Variants in VPS8 observed in about 807,000 individuals in gnomAD.
VPS8 encodes vacuolar protein sorting-associated protein 8 homolog.
VPS8 carries 129 observed loss-of-function variants against 216.4 expected under a neutral mutation model. That is an observed-to-expected ratio of 0.60 (90% CI 0.52 to 0.69). The LOEUF (loss-of-function observed/expected upper bound fraction) is 0.69. Ranked by LOEUF, VPS8 falls within the 30% of genes least tolerant of loss-of-function variation. The probability of loss-of-function intolerance (pLI) is 0.00; values close to 1 mark genes in which losing one functional copy is unlikely to be tolerated. For synonymous variants in VPS8, 571 were observed against 565.4 expected (o/e 1.01, Z -0.14); for missense variants, 1,531 against 1,683.5 (o/e 0.91, Z 1.59).
chr3:184,851,332 A>G (rs759664963), intron 10 of VPS8, among the ~76,000 whole-genome samples: 15 of 152,192 alleles, frequency 9.9e-5, no homozygotes, highest in Non-Finnish European at 1.9e-4. Context: ...AGTAAGACAC[A>G]TAGGATTGAA....
chr3:184,882,083 A>G lies in VPS8; in HGVS notation c.1735-4027A>G, dbSNP rs1730370106. ...TGCTATTTTTTTCCTTTTCTTGCCT[A>G]TTGCATAGGCTAAAACTTCAGCATT... is the stretch of plus-strand genomic sequence containing the variant. On this transcript the variant is annotated intron_variant, in intron 21 of 47. Coordinates refer to ENST00000625842, the MANE Select transcript of VPS8 (RefSeq NM_001009921.3). Among the ~76,000 whole-genome samples the G allele has an allele frequency of 3.4e-5, 5 of 149,200 alleles. No individual in the cohort carries two copies. In the South Asian group the frequency reaches 8.4e-4, roughly 25 times the overall value.
chr3:185,031,415 A>G (rs547289226), intron 46 of VPS8, among the ~76,000 whole-genome samples: 1 of 152,308 alleles, frequency 6.6e-6, no homozygotes, highest in East Asian at 1.9e-4. Context: ...GACTCCAAAT[A>G]TGACTTCATT....
chr3:184,991,467 T>G (rs1751883529), intron 42 of VPS8, among the ~76,000 whole-genome samples: 1 of 152,208 alleles, frequency 6.6e-6, no homozygotes, highest in Admixed American at 6.5e-5. Flanking sequence ...TTCTTGATTT[T>G]GCTTTTAAAT....
rs189927596 is a variant in VPS8 at position 184,885,857 on chromosome 3, A to C, written c.1735-253A>C. ...TCTGCTCCCTCTGTTAGAAAGATGC[A>C]GTGAACACCTTAATGCATTAAAATA... On this transcript the variant is annotated intron_variant, in intron 21 of 47. Coordinates refer to ENST00000625842, the MANE Select transcript of VPS8 (RefSeq NM_001009921.3). 155 of 339,000 alleles carry C rather than the reference A, an allele frequency of 4.6e-4. 2 individuals carry two copies. Among genetic ancestry groups the C allele is most frequent in the Middle Eastern group, 1.7e-3 (2 of 1,164 alleles). 21.0% of individuals were successfully genotyped at this position (339,000 alleles called of 1,614,324 possible).
Position 185,052,314 on chromosome 3 carries a change from C to T in VPS8, c.*289C>T. The T allele has an allele frequency of 3.7e-6, 1 of 273,534 alleles. No homozygotes were observed. The allele number at this position is 273,534 out of a possible 1,614,324, so 16.9% of individuals were successfully genotyped here. A position where few individuals can be genotyped will look rare whatever the true frequency, so the allele number is the denominator to read the frequency against. On this transcript the variant is annotated 3_prime_UTR_variant, in exon 48 of 48. Coordinates refer to ENST00000625842, the MANE Select transcript of VPS8 (RefSeq NM_001009921.3). ...CCAGCTTTTTAGGAAATACATTTCGCCTATTGCGACTTTTTCCATTTACCC... is the reference window on the plus strand; with the variant it reads ...CCAGCTTTTTAGGAAATACATTTCGTCTATTGCGACTTTTTCCATTTACCC...
At chr3:184,904,088 A>T (rs767458208) in intron 25 of VPS8, among the ~76,000 whole-genome samples, 3 of 152,156 alleles carry the variant, frequency 2.0e-5, no homozygotes, top group Non-Finnish European at 4.4e-5. Flanking sequence ...TTGATCTTGT[A>T]TCCTACGTCC....
At chr3:184,839,931 C>T (rs1450097310) in intron 7 of VPS8, 179 bp downstream of exon 7, 1 of 1,357,736 alleles carries the variant, frequency 7.4e-7, no homozygotes, top group Non-Finnish European at 9.5e-7. Context: ...CTTTGTTTTG[C>T]TGCTTATTGC....
At chr3:184,957,109 T>G (rs940964370) in intron 36 of VPS8, among the ~76,000 whole-genome samples, 2 of 152,360 alleles carry the variant, frequency 1.3e-5, no homozygotes, top group East Asian at 3.9e-4. Context: ...CAACTTTTGG[T>G]ATGATTTAGA....
intron 28 of VPS8, 64 bp downstream of exon 28, chr3:184,915,538 T>C: frequency 6.4e-7 from 1 of 1,551,430 alleles, no homozygotes; most frequent in Non-Finnish European, 8.8e-7. Context: ...TTTGGCGGGG[T>C]GTGGTGGCTC....
intron 8 of VPS8, among the ~76,000 whole-genome samples, chr3:184,847,666 C>T (rs1723395827): frequency 1.3e-5 from 2 of 152,106 alleles, no homozygotes; most frequent in African/African-American, 4.8e-5. Flanking sequence ...GGCATGCATT[C>T]TGACATTTAA....
intron 16 of VPS8, among the ~76,000 whole-genome samples, chr3:184,864,694 A>T (rs1727009905): frequency 6.6e-6 from 1 of 152,188 alleles, no homozygotes; most frequent in African/African-American, 2.4e-5. Context: ...TAAAAGTAAG[A>T]CCAGAAAGGA....
At chr3:184,835,726 T>G (rs1720937913) in intron 5 of VPS8, among the ~76,000 whole-genome samples, 5 of 150,724 alleles carry the variant, frequency 3.3e-5, no homozygotes, top group South Asian at 2.1e-4. Flanking sequence ...TTTTTTTTTT[T>G]TGAGACGGAG....
intron 42 of VPS8, among the ~76,000 whole-genome samples, chr3:184,986,632 C>G: frequency 6.6e-6 from 1 of 152,174 alleles, no homozygotes; most frequent in Admixed American, 6.5e-5. Context: ...GGAATAAACC[C>G]TAAACAGATT....
rs1401027565 is a variant in VPS8, at chr3:184,971,770, T to C, written c.3420+18T>C. The C allele has an allele frequency of 6.2e-7, 1 of 1,605,744 alleles. No homozygotes were observed. The highest frequency in any genetic ancestry group is 1.1e-5 in the South Asian group (1 of 90,138). On this transcript the variant is annotated intron_variant, in intron 40 of 47. Transcript: ENST00000625842. The stretch of plus-strand genomic sequence containing the variant: ...AACGTGAGGTAGGAGAATGACTGTT[T>C]AGGTATTTAAAAGCCTGTACTTGGC...
At chr3:184,915,544 G>T in intron 28 of VPS8, 70 bp downstream of exon 28, 1 of 1,518,132 alleles carries the variant, frequency 6.6e-7, no homozygotes, top group Non-Finnish European at 9.0e-7. Context: ...GGGGTGTGGT[G>T]GCTCACCCCT....
At chr3:184,837,195 T>C (rs1371484100) in intron 5 of VPS8, among the ~76,000 whole-genome samples, 3 of 147,968 alleles carry the variant, frequency 2.0e-5, no homozygotes, top group Non-Finnish European at 4.5e-5. Context: ...ATCTCTACAA[T>C]GCTTCCTAAT....
At chr3:184,891,776 T>G (rs1283328839) in intron 22 of VPS8, among the ~76,000 whole-genome samples, 1 of 152,184 alleles carries the variant, frequency 6.6e-6, no homozygotes, top group Non-Finnish European at 1.5e-5. Context: ...ATACCACTTG[T>G]ATTTGGTGGG....
At chr3:185,004,360 A>G (rs1366452321) in intron 45 of VPS8, among the ~76,000 whole-genome samples, 2 of 152,290 alleles carry the variant, frequency 1.3e-5, no homozygotes, top group Admixed American at 6.5e-5. Context: ...CGCGCCCGCA[A>G]TCGCAGGCAC....
chr3:185,004,270 G>C (rs1344480461), intron 45 of VPS8, among the ~76,000 whole-genome samples: 1 of 152,236 alleles, frequency 6.6e-6, no homozygotes, highest in Non-Finnish European at 1.5e-5. Context: ...TCGTGGTTAG[G>C]AGCTGGAGAC....
Sources: allele counts gnomAD v4.1 joint callset (sites outside exome capture counted in the v4.1 genomes callset), GRCh38; gene constraint gnomAD v4.1.1; transcripts MANE v1.5; gene names NCBI Gene and HGNC (gene_info 2026-07-23, HGNC 2026-07-21).